Variants in GALNTL6 observed in about 807,000 individuals in gnomAD.
The protein encoded by GALNTL6 is polypeptide N-acetylgalactosaminyltransferase-like 6.
Under a neutral mutation model 73.7 loss-of-function variants are expected in GALNTL6, and 46 were observed. The observed-to-expected ratio is 0.62, with a 90% CI of 0.49 to 0.80. The LOEUF (loss-of-function observed/expected upper bound fraction) is 0.80. GALNTL6 is among the 30% of genes least tolerant of loss of function. The pLI, the probability that GALNTL6 is intolerant of heterozygous loss-of-function variation, is 0.00. For missense variants in GALNTL6, 604 were observed against 755.0 expected, an observed-to-expected ratio of 0.80 and a Z score of 2.34; for synonymous variants, 259 against 263.7, an observed-to-expected ratio of 0.98 and a Z score of 0.17.
chr4:172,544,253 C>A lies in GALNTL6; in HGVS notation c.553+195564C>A, dbSNP rs533164874. On this transcript the variant is annotated intron_variant, in intron 5 of 12. Coordinates refer to ENST00000506823, the MANE Select transcript of GALNTL6 (RefSeq NM_001034845.3). ...TCTCCTTGCCTCTTTCCCTTCCTGT[C>A]TTCTCTGGTTTTCCTGGTCTCAGGA... is the stretch of plus-strand genomic sequence containing the variant. 5.3e-5 allele frequency among the ~76,000 whole-genome samples: 8 copies of A among 152,230 alleles called. No individual in the cohort carries two copies. In the East Asian group the frequency reaches 1.5e-3, roughly 29 times the overall value.
chr4:172,903,723 G>A (rs1402720749), intron 8 of GALNTL6, among the ~76,000 whole-genome samples: 1 of 152,032 alleles, frequency 6.6e-6, no homozygotes, highest in Non-Finnish European at 1.5e-5. Flanking sequence ...CCTTCAAGTT[G>A]GAATGAGAAC....
At chr4:172,127,145 A>T (rs911547738) in intron 2 of GALNTL6, among the ~76,000 whole-genome samples, 10 of 152,174 alleles carry the variant, frequency 6.6e-5, no homozygotes, top group African/African-American at 2.4e-4. Context: ...TGCCACCCCT[A>T]CTCAAGCATT....
chr4:172,987,865 A>C (rs1751360487), intron 10 of GALNTL6, among the ~76,000 whole-genome samples: 1 of 152,176 alleles, frequency 6.6e-6, no homozygotes. Flanking sequence ...AGCCTACTAC[A>C]ATTCCTACAA....
intron 7 of GALNTL6, among the ~76,000 whole-genome samples, chr4:172,858,598 G>C (rs1744233074): frequency 1.3e-5 from 2 of 152,172 alleles, no homozygotes; most frequent in Non-Finnish European, 2.9e-5. Flanking sequence ...GGGAGGCCGA[G>C]GTGGGTGGAT....
At chr4:172,529,164 G>A (rs897306522) in intron 5 of GALNTL6, among the ~76,000 whole-genome samples, 1 of 150,836 alleles carries the variant, frequency 6.6e-6, no homozygotes, top group Admixed American at 6.6e-5. Context: ...TGCCTACTGG[G>A]TGATAATGTC....
At chr4:172,417,749 CCAT>C (rs946223507) in intron 5 of GALNTL6, among the ~76,000 whole-genome samples, 6 of 152,128 alleles carry the variant, frequency 3.9e-5, no homozygotes, top group African/African-American at 1.2e-4. Context: ...TGCTGCTTCT[CCAT>C]CTTTTGGAAG....
chr4:172,351,146 C>G (rs1344198538), intron 5 of GALNTL6, among the ~76,000 whole-genome samples: 1 of 150,146 alleles, frequency 6.7e-6, no homozygotes, highest in Admixed American at 6.6e-5. Flanking sequence ...AGAAGAGATT[C>G]TCTTAATTTA....
At chr4:172,910,599 A>C (rs970867386) in intron 8 of GALNTL6, among the ~76,000 whole-genome samples, 4 of 152,222 alleles carry the variant, frequency 2.6e-5, no homozygotes, top group Non-Finnish European at 5.9e-5. Flanking sequence ...ATACATCTAT[A>C]TCTGCATTCA....
rs1446936581 is a variant in GALNTL6, at chr4:172,069,612, T to TAACAC, written c.139-160043_139-160042insACACA. 1.3e-3 allele frequency among the ~76,000 whole-genome samples: 92 copies of TAACAC among 70,308 alleles called. 25 individuals carry two copies. Among genetic ancestry groups the TAACAC allele is most frequent in the Non-Finnish European group, 2.1e-3 (80 of 37,668 alleles). 46.1% of individuals were successfully genotyped at this position (70,308 alleles called of 152,430 possible). On this transcript the variant is annotated intron_variant, in intron 2 of 12. Transcript: ENST00000506823. ...ATATATAACACATATATGTTATATA[T>TAACAC]ATATAACATATATATATATCCTAAA...
chr4:172,649,582 T>C (rs1740386567), intron 5 of GALNTL6, among the ~76,000 whole-genome samples: 1 of 152,174 alleles, frequency 6.6e-6, no homozygotes, highest in African/African-American at 2.4e-5. Context: ...GAATTAAATG[T>C]GTGTATAAAG....
At chr4:172,904,541 G>C (rs1403285256) in intron 8 of GALNTL6, among the ~76,000 whole-genome samples, 2 of 152,176 alleles carry the variant, frequency 1.3e-5, no homozygotes, top group Non-Finnish European at 2.9e-5. Context: ...GGGGCTTACA[G>C]GTACCCAGGT....
chr4:172,541,543 C>T (rs1460645901), intron 5 of GALNTL6, among the ~76,000 whole-genome samples: 1 of 152,172 alleles, frequency 6.6e-6, no homozygotes, highest in Non-Finnish European at 1.5e-5. Context: ...GAAAGCTTTA[C>T]AGCAGAAAAG....
At chr4:172,469,908 C>T (rs190073533) in intron 5 of GALNTL6, among the ~76,000 whole-genome samples, 40 of 152,188 alleles carry the variant, frequency 2.6e-4, no homozygotes, top group Admixed American at 4.6e-4. Context: ...CAGTAGTGAA[C>T]GAGAAGAGCT....
chr4:172,156,625 G>A (rs1038416442), intron 2 of GALNTL6, among the ~76,000 whole-genome samples: 1 of 144,112 alleles, frequency 6.9e-6, no homozygotes, highest in African/African-American at 2.6e-5. Flanking sequence ...ACTCCACTCT[G>A]TAGTTTATTA....
At chr4:173,019,297 A>G (rs994248810) in intron 11 of GALNTL6, among the ~76,000 whole-genome samples, 2 of 152,252 alleles carry the variant, frequency 1.3e-5, no homozygotes, top group South Asian at 2.1e-4. Flanking sequence ...GGAACTGGAC[A>G]TAAGATGGAT....
At chr4:172,703,918 C>A (rs780298092) in intron 5 of GALNTL6, among the ~76,000 whole-genome samples, 27 of 152,008 alleles carry the variant, frequency 1.8e-4, no homozygotes, top group Non-Finnish European at 3.4e-4. Flanking sequence ...ATGGTTCAAT[C>A]TTGGTATGTC....
At chr4:171,883,783 G>A (rs1490478505) in intron 2 of GALNTL6, among the ~76,000 whole-genome samples, 2 of 151,898 alleles carry the variant, frequency 1.3e-5, no homozygotes, top group Admixed American at 1.3e-4. Context: ...GAGTAGCTGG[G>A]ACTACAGGCG....
At chr4:171,996,968 A>G (rs1055402107) in intron 2 of GALNTL6, among the ~76,000 whole-genome samples, 3 of 152,160 alleles carry the variant, frequency 2.0e-5, no homozygotes, top group Admixed American at 6.6e-5. Context: ...GAGGCATAAC[A>G]AACAACATTC....
At chr4:172,665,894 T>C (rs1731635239) in intron 5 of GALNTL6, among the ~76,000 whole-genome samples, 1 of 152,194 alleles carries the variant, frequency 6.6e-6, no homozygotes, top group Non-Finnish European at 1.5e-5. Context: ...AAATAGTGCC[T>C]GTACCCTTTC....
Sources: allele counts gnomAD v4.1 joint callset (sites outside exome capture counted in the v4.1 genomes callset), GRCh38; gene constraint gnomAD v4.1.1; transcripts MANE v1.5; gene names NCBI Gene and HGNC (gene_info 2026-07-23, HGNC 2026-07-21).